EYS: variants seen among roughly 807,000 people sequenced by gnomAD.
EYS encodes the protein protein eyes shut homolog.
A neutral mutation model predicts 282.1 loss-of-function variants in EYS; 250 were observed. The observed-to-expected ratio is 0.89, with a 90% CI of 0.80 to 0.98. The LOEUF is 0.98. Among genes scored for constraint, EYS ranks in the 50% least tolerant of loss-of-function variants. The pLI is 0.00. For missense variants in EYS, 4,016 were observed against 3,709.0 expected (o/e 1.08, Z -2.15); for synonymous variants, 1,355 against 1,282.9 (o/e 1.06, Z -1.20).
intron 2 of EYS, among the ~76,000 whole-genome samples, chr6:65,505,672 T>C (rs965991922): frequency 2.0e-5 from 3 of 152,178 alleles, no homozygotes; most frequent in African/African-American, 7.2e-5. Flanking sequence ...CAAAGTACAC[T>C]GTTAAATTTC....
rs1445019576 is a variant in EYS, at chr6:65,495,190, A to G, written c.221T>C (p.Val74Ala). 1.9e-6 allele frequency: 3 copies of G among 1,614,058 alleles called. No individual in the cohort carries two copies. The highest frequency in any genetic ancestry group is 2.2e-5 in the East Asian group (1 of 44,892). ...AATTTGCAAAGGGCAAATCTGGGGA[A>G]CAGCTTGATTGCCTGAAGTATCTAT... ...TKIDTSGNQA[V>A]PQICPLQIQL... is the part of the protein sequence containing the mutation. The change falls in exon 4 of 43, where the codon GTT becomes GCT. Residue 74 changes from valine (V) to alanine (A), a missense_variant. By Grantham distance (64) the Val-to-Ala change is moderately conservative. Transcript: ENST00000503581.
At chr6:65,617,869 A>G (rs567540175) in intron 2 of EYS, among the ~76,000 whole-genome samples, 1 of 152,172 alleles carries the variant, frequency 6.6e-6, no homozygotes, top group South Asian at 2.1e-4. Flanking sequence ...ATGTCCCTAC[A>G]AAGGACATGA....
At chr6:65,205,262 T>A (rs1766007559) in intron 12 of EYS, among the ~76,000 whole-genome samples, 1 of 151,268 alleles carries the variant, frequency 6.6e-6, no homozygotes. Flanking sequence ...GCCATTCTTA[T>A]ATTAAACAGA....
intron 22 of EYS, among the ~76,000 whole-genome samples, chr6:64,761,492 T>C (rs998416453): frequency 1.5e-4 from 23 of 152,154 alleles, no homozygotes; most frequent in African/African-American, 5.6e-4. Flanking sequence ...TTTTATTTAT[T>C]TATTTTTGAG....
At chr6:65,029,822 C>T (rs77721262) in intron 13 of EYS, among the ~76,000 whole-genome samples, 2,234 of 152,188 alleles carry the variant, frequency 0.015, 69 homozygotes, top group African/African-American at 0.051. Flanking sequence ...GATGGATACC[C>T]GGGGCTGAAT....
At chr6:65,178,357 G>T (rs540081901) in intron 12 of EYS, among the ~76,000 whole-genome samples, 1 of 151,862 alleles carries the variant, frequency 6.6e-6, no homozygotes, top group Non-Finnish European at 1.5e-5. Flanking sequence ...CTACCCAGGC[G>T]CCAGCCTCTG....
intron 31 of EYS, among the ~76,000 whole-genome samples, chr6:64,223,722 A>T (rs1217525658): frequency 6.6e-6 from 1 of 152,062 alleles, no homozygotes; most frequent in Non-Finnish European, 1.5e-5. Flanking sequence ...TATGTGTCAA[A>T]TTATCTTTAT....
chr6:65,192,048 G>A (rs1488333302), intron 12 of EYS, among the ~76,000 whole-genome samples: 1 of 151,306 alleles, frequency 6.6e-6, no homozygotes, highest in Non-Finnish European at 1.5e-5. Flanking sequence ...GCCAATGTAA[G>A]GAAAGAAAAA....
At chr6:63,774,008 C>T (rs1273101051) in intron 40 of EYS, among the ~76,000 whole-genome samples, 1 of 152,150 alleles carries the variant, frequency 6.6e-6, no homozygotes, top group African/African-American at 2.4e-5. Flanking sequence ...TTTGTGATCA[C>T]TGATAGATTT....
chr6:65,256,363 C>T (rs1350666439), intron 12 of EYS, among the ~76,000 whole-genome samples: 1 of 139,638 alleles, frequency 7.2e-6, no homozygotes, highest in African/African-American at 2.8e-5. Flanking sequence ...TGGTGTGCTG[C>T]ACCCACTAAC....
chr6:65,533,940 G>T (rs951906812), intron 2 of EYS, among the ~76,000 whole-genome samples: 2 of 151,976 alleles, frequency 1.3e-5, no homozygotes, highest in East Asian at 3.9e-4. Context: ...CAACTCATTG[G>T]CATGGGTAGT....
At chr6:63,958,418 T>C (rs1156693925) in intron 35 of EYS, among the ~76,000 whole-genome samples, 2 of 96,092 alleles carry the variant, frequency 2.1e-5, no homozygotes, top group Non-Finnish European at 2.8e-5. Flanking sequence ...AGGTTTGCTA[T>C]GGTTTGAATG....
intron 5 of EYS, among the ~76,000 whole-genome samples, chr6:65,429,974 C>A (rs1484069635): frequency 6.6e-6 from 1 of 152,082 alleles, no homozygotes; most frequent in Non-Finnish European, 1.5e-5. Flanking sequence ...CTCATAATAA[C>A]CTATCAGATA....
rs1454718460 is a variant in EYS at position 64,945,803 on chromosome 6, TG to T, written c.2370del (p.Tyr790Ter). ...AAATATGTTACTCACCGATAGCTTT[TG>T]TAAAGGTCAGTACAGGTGGAATTGT... ...CKNNSTCTDLYKSYRCECTSG... is the reference protein window; with the variant it reads ...CKNNSTCTDLXKSYRCECTSG... On this transcript the variant is annotated frameshift_variant, in exon 15 of 43. Transcript: ENST00000503581. LOFTEE classifies it high-confidence loss of function. 1 of 1,549,388 alleles carries T rather than the reference TG, an allele frequency of 6.5e-7. No individual in the cohort carries two copies. The highest frequency in any genetic ancestry group is 2.5e-5 in the East Asian group (1 of 40,784).
chr6:64,916,386 A>G (rs977355099), intron 15 of EYS, among the ~76,000 whole-genome samples: 3 of 152,198 alleles, frequency 2.0e-5, no homozygotes, highest in Non-Finnish European at 4.4e-5. Context: ...ATGTGGCTGT[A>G]TGTCAAGAGG....
intron 22 of EYS, among the ~76,000 whole-genome samples, chr6:64,764,815 T>C (rs1325183563): frequency 1.3e-5 from 2 of 152,218 alleles, no homozygotes; most frequent in Non-Finnish European, 2.9e-5. Flanking sequence ...CTTGGCTCAC[T>C]GCAACCTCGG....
intron 16 of EYS, among the ~76,000 whole-genome samples, chr6:64,905,516 G>T (rs1767798458): frequency 6.6e-6 from 1 of 152,084 alleles, no homozygotes; most frequent in South Asian, 2.1e-4. Flanking sequence ...TCTCGTCTGT[G>T]TATGGCTATA....
At chr6:65,278,802 T>G (rs554977875) in intron 12 of EYS, among the ~76,000 whole-genome samples, 134 of 152,268 alleles carry the variant, frequency 8.8e-4, no homozygotes, top group Non-Finnish European at 1.6e-3. Context: ...ACTCAGCCAT[T>G]GAGTTTTATT....
intron 12 of EYS, among the ~76,000 whole-genome samples, chr6:65,268,432 G>T (rs1767814028): frequency 6.6e-6 from 1 of 151,962 alleles, no homozygotes; most frequent in African/African-American, 2.4e-5. Flanking sequence ...TAGTTATGAT[G>T]TTTAGATATA....
Sources: allele counts gnomAD v4.1 joint callset (sites outside exome capture counted in the v4.1 genomes callset), GRCh38; gene constraint gnomAD v4.1.1; transcripts MANE v1.5; gene names NCBI Gene and HGNC (gene_info 2026-07-23, HGNC 2026-07-21).